TASP1: variants seen among roughly 807,000 people sequenced by gnomAD.
TASP1 encodes the protein taspase 1, also known as threonine aspartase 1.
TASP1 carries 16 observed loss-of-function variants against 56.6 expected under a neutral mutation model. The observed-to-expected ratio is 0.28, with a 90% CI of 0.19 to 0.43. The LOEUF (loss-of-function observed/expected upper bound fraction) is 0.43. TASP1 is among the 20% of genes least tolerant of loss of function. The pLI, the probability that TASP1 is intolerant of heterozygous loss-of-function variation, is 1.00. For missense variants in TASP1, 393 were observed against 511.6 expected (o/e 0.77, Z 2.24); for synonymous variants, 179 against 184.2 (o/e 0.97, Z 0.23).
intron 11 of TASP1, among the ~76,000 whole-genome samples, chr20:13,464,097 C>T (rs890931039): frequency 1.8e-4 from 28 of 152,140 alleles, no homozygotes; most frequent in Admixed American, 3.3e-4. Context: ...TTATTCACAA[C>T]GGCCACAGGC....
the TASP1 span, among the ~76,000 whole-genome samples, chr20:13,195,727 A>G: frequency 6.6e-6 from 1 of 152,214 alleles, no homozygotes; most frequent in African/African-American, 2.4e-5. Flanking sequence ...AAATGAAGAC[A>G]TAGAACAAAC....
At chr20:13,403,252 A>AT (rs1177433180) in intron 13 of TASP1, among the ~76,000 whole-genome samples, 2 of 152,196 alleles carry the variant, frequency 1.3e-5, no homozygotes, top group Admixed American at 1.3e-4. Context: ...TTAGAGTTGC[A>AT]TTTTGTCAAA....
At chr20:13,574,051 CTAAG>C (rs2046812420) in intron 6 of TASP1, among the ~76,000 whole-genome samples, 1 of 151,674 alleles carries the variant, frequency 6.6e-6, no homozygotes, top group Admixed American at 6.6e-5. Context: ...TAAGCTTCAG[CTAAG>C]TAGAGATCAG....
chr20:13,394,060 C>A (rs1005937760), intron 13 of TASP1, among the ~76,000 whole-genome samples: 1 of 150,684 alleles, frequency 6.6e-6, no homozygotes, highest in Non-Finnish European at 1.5e-5. Context: ...GCAGGCGGAT[C>A]CCCCGAGGTC....
chr20:13,129,458 A>G, the TASP1 span, among the ~76,000 whole-genome samples: 13 of 152,292 alleles, frequency 8.5e-5, no homozygotes, highest in South Asian at 2.7e-3. Flanking sequence ...TTCTTAATGG[A>G]AAATCAATTA....
At chr20:13,243,735 C>T in the TASP1 span, among the ~76,000 whole-genome samples, 1 of 152,174 alleles carries the variant, frequency 6.6e-6, no homozygotes. Context: ...TATCCATCAC[C>T]GTTAAGCATC....
chr20:13,303,684 T>C, the TASP1 span, among the ~76,000 whole-genome samples: 1 of 152,228 alleles, frequency 6.6e-6, no homozygotes, highest in African/African-American at 2.4e-5. Flanking sequence ...GTCAGACAAG[T>C]TAATACATTG....
intron 4 of TASP1, among the ~76,000 whole-genome samples, chr20:13,611,333 T>C (rs2048340544): frequency 1.3e-5 from 2 of 152,154 alleles, no homozygotes; most frequent in South Asian, 4.1e-4. Flanking sequence ...AAATAAACAA[T>C]TTGGTTCAAC....
the TASP1 span, among the ~76,000 whole-genome samples, chr20:13,340,853 A>C: frequency 6.6e-6 from 1 of 152,234 alleles, no homozygotes; most frequent in Non-Finnish European, 1.5e-5. Flanking sequence ...TTATATTCTC[A>C]TGGCACCTTA....
At chr20:13,126,442 A>C in the TASP1 span, 5 of 887,940 alleles carry the variant, frequency 5.6e-6, no homozygotes, top group South Asian at 1.1e-4. Flanking sequence ...TAGTTTGATG[A>C]AAACCATTGA....
chr20:13,327,994 G>T, the TASP1 span, among the ~76,000 whole-genome samples: 6 of 152,086 alleles, frequency 3.9e-5, no homozygotes, highest in African/African-American at 1.2e-4. Context: ...CACAGCAAAA[G>T]AAACTATCAT....
chr20:13,589,674 C>A (rs1242360028), intron 4 of TASP1, among the ~76,000 whole-genome samples: 4 of 151,452 alleles, frequency 2.6e-5, no homozygotes, highest in African/African-American at 9.7e-5. Context: ...GAAAAAAACA[C>A]AAAATGGAAG....
chr20:13,274,681 G>GCCCGGCC, the TASP1 span, among the ~76,000 whole-genome samples: 4 of 59,146 alleles, frequency 6.8e-5, no homozygotes, highest in Admixed American at 7.8e-4. Context: ...CCCCCCCCGC[G>GCCCGGCC]CCCGGCCCCC....
chr20:13,508,294 T>C (rs1174055789), intron 10 of TASP1, among the ~76,000 whole-genome samples: 1 of 151,204 alleles, frequency 6.6e-6, no homozygotes, highest in Non-Finnish European at 1.5e-5. Context: ...AAGGAGACAA[T>C]CAACAAAATG....
At chr20:13,400,691 C>A (rs1242681755) in intron 13 of TASP1, among the ~76,000 whole-genome samples, 2 of 152,178 alleles carry the variant, frequency 1.3e-5, no homozygotes, top group African/African-American at 2.4e-5. Context: ...GTACCTACCA[C>A]TTACTGCATC....
At chr20:13,161,591 T>C in the TASP1 span, among the ~76,000 whole-genome samples, 175 of 152,238 alleles carry the variant, frequency 1.1e-3, no homozygotes, top group Middle Eastern at 6.8e-3. Context: ...AGTGTAGTAT[T>C]AAACTCCATA....
chr20:13,611,574 A>G (rs1242833562), intron 4 of TASP1, among the ~76,000 whole-genome samples: 1 of 152,220 alleles, frequency 6.6e-6, no homozygotes, highest in Non-Finnish European at 1.5e-5. Flanking sequence ...AGAAATCCCT[A>G]TTACAACAAT....
intron 13 of TASP1, among the ~76,000 whole-genome samples, chr20:13,409,982 A>T (rs2042044636): frequency 6.6e-6 from 1 of 152,046 alleles, no homozygotes; most frequent in South Asian, 2.1e-4. Context: ...TCCCACTCAC[A>T]CACCTTTCCA....
chr20:13,201,580 CAAA>C, the TASP1 span, among the ~76,000 whole-genome samples: 1 of 137,728 alleles, frequency 7.3e-6, no homozygotes, highest in Admixed American at 7.5e-5. Flanking sequence ...TATTAATGTG[CAAA>C]AAAAAAAAAG....
Sources: gnomAD v4.1 joint callset for allele counts (sites outside exome capture counted in the v4.1 genomes callset) on GRCh38, gnomAD v4.1.1 for gene constraint, MANE v1.5 for transcripts, NCBI Gene and HGNC (gene_info 2026-07-23, HGNC 2026-07-21) for gene names.